Variants in RARB observed in about 807,000 individuals in gnomAD.
RARB encodes retinoic acid receptor beta, also known as HBV-activated protein.
In RARB, 17 loss-of-function variants were observed where a neutral mutation model predicts 51.9. That is an observed-to-expected ratio of 0.33 (90% confidence interval 0.22 to 0.49). RARB has a LOEUF of 0.49. RARB is among the 20% of genes least tolerant of loss of function. The pLI, the probability that RARB is intolerant of heterozygous loss-of-function variation, is 0.99. For missense variants in RARB, 369 were observed against 550.8 expected, an observed-to-expected ratio of 0.67 and a Z score of 3.30; for synonymous variants, 215 against 195.4, an observed-to-expected ratio of 1.10 and a Z score of -0.84.
intron 5 of RARB, among the ~76,000 whole-genome samples, chr3:25,324,826 C>G (rs1266072236): frequency 6.6e-6 from 1 of 152,182 alleles, no homozygotes; most frequent in African/African-American, 2.4e-5. Context: ...CTTTTCCTCT[C>G]CCCTCCATCC....
At chr3:25,237,652 GT>G (rs1702335016) in intron 5 of RARB, among the ~76,000 whole-genome samples, 1 of 152,040 alleles carries the variant, frequency 6.6e-6, no homozygotes, top group Non-Finnish European at 1.5e-5. Context: ...AATTTATTAA[GT>G]TAGACACCCA....
At chr3:25,174,418 A>G (rs749317521) in exon 5 of RARB, 5 of 1,352,124 alleles carry the variant, frequency 3.7e-6, no homozygotes, top group Admixed American at 1.9e-5. Flanking sequence ...GCGGCCACGC[A>G]TGTCCGGTCC....
chr3:25,221,105 G>A (rs186645067), intron 5 of RARB, among the ~76,000 whole-genome samples: 1 of 149,482 alleles, frequency 6.7e-6, no homozygotes, highest in Admixed American at 6.6e-5. Flanking sequence ...AAAAAGAAGT[G>A]GATTTTCATA....
intron 2 of RARB, among the ~76,000 whole-genome samples, chr3:24,991,654 T>A (rs993306516): frequency 1.3e-5 from 2 of 152,140 alleles, no homozygotes; most frequent in African/African-American, 4.8e-5. Context: ...TATTACGGGT[T>A]TAGGAAATTG....
intron 2 of RARB, among the ~76,000 whole-genome samples, chr3:24,937,238 C>T (rs1695564824): frequency 1.3e-5 from 2 of 152,134 alleles, no homozygotes. Flanking sequence ...TCCTGTAACA[C>T]ATCTCCATTC....
At chr3:25,446,426 A>G (rs1013473806) in intron 1 of RARB, among the ~76,000 whole-genome samples, 1 of 152,230 alleles carries the variant, frequency 6.6e-6, no homozygotes, top group African/African-American at 2.4e-5. Context: ...GAGTTGAATG[A>G]CTGTGACAGA....
intron 3 of RARB, among the ~76,000 whole-genome samples, chr3:25,564,474 G>A (rs76931802): frequency 0.039 from 5,986 of 152,250 alleles, 160 homozygotes; most frequent in Non-Finnish European, 0.058. Context: ...CTGTAGGGGT[G>A]GAGAGCAGTT....
chr3:25,138,800 CATT>C (rs1215376505), intron 4 of RARB, among the ~76,000 whole-genome samples: 1 of 152,056 alleles, frequency 6.6e-6, no homozygotes, highest in Non-Finnish European at 1.5e-5. Flanking sequence ...AGACATACCT[CATT>C]ATATTGTGCT....
At chr3:25,137,266 G>A (rs1700043479) in intron 4 of RARB, among the ~76,000 whole-genome samples, 1 of 151,968 alleles carries the variant, frequency 6.6e-6, no homozygotes, top group African/African-American at 2.4e-5. Context: ...TAATGTAGCT[G>A]GAATTCTTAT....
intron 2 of RARB, among the ~76,000 whole-genome samples, chr3:24,955,710 C>G (rs559507410): frequency 6.6e-6 from 1 of 151,924 alleles, no homozygotes; most frequent in Non-Finnish European, 1.5e-5. Context: ...TGGAAGGGAG[C>G]TGGGGATGTT....
chr3:25,497,788 ACCT>A (rs1436220925), intron 2 of RARB, among the ~76,000 whole-genome samples: 1 of 151,996 alleles, frequency 6.6e-6, no homozygotes, highest in Non-Finnish European at 1.5e-5. Context: ...CAACTTTTGA[ACCT>A]CCTCTTCTCC....
At chr3:24,938,851 G>A (rs770289779) in intron 2 of RARB, among the ~76,000 whole-genome samples, 2 of 152,104 alleles carry the variant, frequency 1.3e-5, no homozygotes, top group South Asian at 4.1e-4. Context: ...ATTTCACTTA[G>A]CATAATGTTT....
intron 5 of RARB, among the ~76,000 whole-genome samples, chr3:25,255,255 T>G (rs1702833486): frequency 6.6e-6 from 1 of 152,176 alleles, no homozygotes. Context: ...GGATATTTAA[T>G]CTGTTTTTGG....
intron 3 of RARB, among the ~76,000 whole-genome samples, chr3:25,120,669 A>G (rs1007805629): frequency 3.3e-5 from 5 of 152,076 alleles, no homozygotes; most frequent in Admixed American, 2.6e-4. Flanking sequence ...TCAGTCAAAA[A>G]TGGATCTTAA....
intron 2 of RARB, among the ~76,000 whole-genome samples, chr3:24,910,978 A>G (rs1341675704): frequency 1.3e-5 from 2 of 152,204 alleles, no homozygotes; most frequent in East Asian, 1.9e-4. Context: ...TAACAGCTCA[A>G]GTTTTATGCC....
At chr3:25,229,405 TA>T (rs1269334593) in intron 5 of RARB, among the ~76,000 whole-genome samples, 4 of 152,184 alleles carry the variant, frequency 2.6e-5, no homozygotes, top group African/African-American at 9.6e-5. Flanking sequence ...AAAAAAGTTT[TA>T]AAATTCTTTC....
intron 5 of RARB, among the ~76,000 whole-genome samples, chr3:25,280,475 G>A (rs1703497064): frequency 6.6e-6 from 1 of 152,116 alleles, no homozygotes. Context: ...AACGCTGAGT[G>A]AAATGACCTG....
At chr3:25,002,358 T>A (rs1327484669) in intron 2 of RARB, among the ~76,000 whole-genome samples, 5 of 152,128 alleles carry the variant, frequency 3.3e-5, no homozygotes, top group Non-Finnish European at 7.4e-5. Flanking sequence ...GTTCACACAC[T>A]GTATCCCCAG....
chr3:25,228,050 TG>T (rs1435695214), intron 5 of RARB, among the ~76,000 whole-genome samples: 1 of 152,102 alleles, frequency 6.6e-6, no homozygotes, highest in Non-Finnish European at 1.5e-5. Flanking sequence ...GACAATTTTT[TG>T]TCTCAATACT....
Sources: allele counts gnomAD v4.1 joint callset (sites outside exome capture counted in the v4.1 genomes callset), GRCh38; gene constraint gnomAD v4.1.1; transcripts MANE v1.5; gene names NCBI Gene and HGNC (gene_info 2026-07-23, HGNC 2026-07-21).